The following SLC35F4 variants were observed in gnomAD, a reference collection of about 807,000 sequenced individuals.
SLC35F4 encodes the protein chromosome 14 open reading frame 36.
In SLC35F4, 24 loss-of-function variants were observed where a neutral mutation model predicts 44.2. The observed-to-expected ratio is 0.54, with a 90% CI of 0.39 to 0.76. SLC35F4 has a LOEUF of 0.76. Among genes scored for constraint, SLC35F4 ranks in the 30% least tolerant of loss-of-function variants. The pLI is 0.00. For missense variants in SLC35F4, 562 were observed against 586.1 expected, an observed-to-expected ratio of 0.96 and a Z score of 0.42; for synonymous variants, 238 against 223.6, an observed-to-expected ratio of 1.06 and a Z score of -0.57.
At chr14:57,885,563 T>G (rs1320433333) in intron 1 of SLC35F4, among the ~76,000 whole-genome samples, 3 of 152,178 alleles carry the variant, frequency 2.0e-5, no homozygotes, top group Non-Finnish European at 4.4e-5. Context: ...TCTAATACTG[T>G]GACCACTAGC....
intron 1 of SLC35F4, among the ~76,000 whole-genome samples, chr14:57,640,694 G>C (rs2073187916): frequency 1.3e-5 from 2 of 151,996 alleles, no homozygotes. Context: ...TAGTCACACA[G>C]AGCCCTGATA....
intron 1 of SLC35F4, among the ~76,000 whole-genome samples, chr14:57,736,456 T>A (rs1011371936): frequency 6.6e-6 from 1 of 152,224 alleles, no homozygotes; most frequent in African/African-American, 2.4e-5. Flanking sequence ...AAGGTCCACC[T>A]GTGGAAAACT....
At chr14:57,612,355 G>A (rs546535328) in intron 1 of SLC35F4, among the ~76,000 whole-genome samples, 5 of 152,270 alleles carry the variant, frequency 3.3e-5, no homozygotes, top group East Asian at 1.9e-4. Flanking sequence ...TCTCATGCCT[G>A]CCTTTTTCTC....
At chr14:57,760,302 T>G (rs1033177996) in intron 1 of SLC35F4, among the ~76,000 whole-genome samples, 1 of 152,208 alleles carries the variant, frequency 6.6e-6, no homozygotes, top group African/African-American at 2.4e-5. Flanking sequence ...TTTCCCCATG[T>G]GTAACATGGC....
intron 1 of SLC35F4, among the ~76,000 whole-genome samples, chr14:57,840,424 G>C (rs939889441): frequency 1.3e-5 from 2 of 152,088 alleles, no homozygotes; most frequent in African/African-American, 4.8e-5. Flanking sequence ...AAAATAGAAT[G>C]AACAACAAGC....
chr14:57,855,831 C>T (rs1449816941), intron 1 of SLC35F4, among the ~76,000 whole-genome samples: 1 of 152,100 alleles, frequency 6.6e-6, no homozygotes, highest in Non-Finnish European at 1.5e-5. Flanking sequence ...AAATGTGGCA[C>T]ATATAAACCA....
chr14:57,606,827 AG>A (rs1272797966), intron 1 of SLC35F4, among the ~76,000 whole-genome samples: 19 of 152,344 alleles, frequency 1.2e-4, no homozygotes, highest in African/African-American at 3.4e-4. Flanking sequence ...TTAATAAGGC[AG>A]TCTCATAATC....
intron 1 of SLC35F4, among the ~76,000 whole-genome samples, chr14:57,834,839 G>A (rs573743802): frequency 6.6e-6 from 1 of 152,330 alleles, no homozygotes; most frequent in African/African-American, 2.4e-5. Flanking sequence ...GGCCAGCATG[G>A]CCAGCATGGC....
chr14:57,574,257 A>G (rs2068665267), intron 4 of SLC35F4, among the ~76,000 whole-genome samples: 1 of 152,166 alleles, frequency 6.6e-6, no homozygotes, highest in African/African-American at 2.4e-5. Flanking sequence ...AGATTACATA[A>G]CTCTGTAGCA....
At chr14:57,788,380 A>G (rs8015103) in intron 1 of SLC35F4, among the ~76,000 whole-genome samples, 22,875 of 152,172 alleles carry the variant, frequency 0.15, 2,011 homozygotes, top group African/African-American at 0.24. Context: ...GTCAATGAAG[A>G]AACAATGGAT....
chr14:57,751,559 G>A (rs1226889174), intron 1 of SLC35F4, among the ~76,000 whole-genome samples: 1 of 152,162 alleles, frequency 6.6e-6, no homozygotes, highest in African/African-American at 2.4e-5. Context: ...AACGAAACAC[G>A]TCGATTTACT....
At chr14:57,574,897 T>C (rs374870068) in intron 4 of SLC35F4, among the ~76,000 whole-genome samples, 1 of 152,000 alleles carries the variant, frequency 6.6e-6, no homozygotes, top group Admixed American at 6.6e-5. Context: ...TAATACTCTG[T>C]TCTTCTCAAC....
chr14:57,589,175 A>G lies in SLC35F4; in HGVS notation c.587+41T>C, dbSNP rs192050677. 1,119 of 1,537,938 alleles carry G rather than the reference A, an allele frequency of 7.3e-4. 8 individuals are homozygous for G. In the African/African-American group the frequency reaches 0.015, roughly 20 times the overall value. On this transcript the variant is annotated intron_variant, in intron 3 of 7. Coordinates refer to ENST00000556826, the MANE Select transcript of SLC35F4 (RefSeq NM_001306087.2). ...AAAAATAGGCATATTTTCATAAAAC[A>G]TTTCAATGATCTCTTATTGGGCAGT... is the stretch of plus-strand genomic sequence containing the variant.
rs68101912 is a variant in SLC35F4, at chr14:57,963,712, C to CT, written n.282+18200dup. ...ACCCCCAGAACATTCATTCTAGCTC[C>CT]TTTTTTTTTTTTTTTTTTTTTTTTT... On this transcript the variant is annotated intron_variant and non_coding_transcript_variant, in intron 1 of 1. Coordinates refer to the SLC35F4 transcript ENST00000556568. Among the ~76,000 whole-genome samples the CT allele has an allele frequency of 5.8e-4, 18 of 31,290 alleles. 1 individual carries two copies. Among genetic ancestry groups the CT allele is most frequent in the African/African-American group, 1.3e-3 (13 of 10,156 alleles). 20.5% of individuals were successfully genotyped at this position (31,290 alleles called of 152,430 possible). A position where few individuals can be genotyped will look rare whatever the true frequency, so the allele number is the denominator to read the frequency against.
chr14:57,599,698 G>A (rs1045988005), intron 1 of SLC35F4, among the ~76,000 whole-genome samples: 14 of 151,054 alleles, frequency 9.3e-5, no homozygotes, highest in Admixed American at 3.3e-4. Context: ...AAAAATTCTC[G>A]TGTTGAGGCA....
At chr14:57,905,561 T>C (rs1889090990) in intron 1 of SLC35F4, among the ~76,000 whole-genome samples, 1 of 152,198 alleles carries the variant, frequency 6.6e-6, no homozygotes, top group African/African-American at 2.4e-5. Flanking sequence ...GTTGCCTCTG[T>C]GGCCATGCAG....
rs1157159217 is a variant in SLC35F4, at chr14:57,738,786, T to G, written c.103+126937A>C. ...ATATATATATATATATATATATATA[T>G]AGGCTTCATATGTATACATGTATAT... is the stretch of plus-strand genomic sequence containing the variant. On this transcript the variant is annotated intron_variant, in intron 1 of 7. Transcript: ENST00000556826. Among the ~76,000 whole-genome samples, 13 of 101,426 alleles carry G rather than the reference T, an allele frequency of 1.3e-4. No homozygotes were observed. The South Asian group carries it at 3.6e-3, about 28-fold the overall frequency. The allele number at this position is 101,426 out of a possible 152,430, so 66.5% of individuals were successfully genotyped here.
intron 1 of SLC35F4, among the ~76,000 whole-genome samples, chr14:57,749,474 T>G (rs1210462244): frequency 6.6e-6 from 1 of 152,032 alleles, no homozygotes; most frequent in Non-Finnish European, 1.5e-5. Flanking sequence ...ACTCAATACA[T>G]ACTGATCATA....
chr14:57,786,267 G>T (rs992625263), intron 1 of SLC35F4, among the ~76,000 whole-genome samples: 1 of 152,058 alleles, frequency 6.6e-6, no homozygotes, highest in East Asian at 1.9e-4. Context: ...AGCAAGATCC[G>T]CCCAATGAGT....
Sources: gnomAD v4.1 joint callset for allele counts (sites outside exome capture counted in the v4.1 genomes callset) on GRCh38, gnomAD v4.1.1 for gene constraint, MANE v1.5 for transcripts, NCBI Gene and HGNC (gene_info 2026-07-23, HGNC 2026-07-21) for gene names.